Variants in CRMP1 observed in about 807,000 individuals in gnomAD.
CRMP1 encodes the protein collapsin response mediator protein 1, also known as dihydropyrimidinase-related protein 1.
In CRMP1, 19 loss-of-function variants were observed where a neutral mutation model predicts 68.3. The observed-to-expected ratio is 0.28, with a 90% confidence interval of 0.19 to 0.41. CRMP1 has a LOEUF of 0.41. CRMP1 is among the 10% of genes least tolerant of loss of function. The pLI is 1.00. For synonymous variants in CRMP1, 439 were observed against 399.6 expected, an observed-to-expected ratio of 1.10 and a Z score of -1.18; for missense variants, 791 against 967.4, an observed-to-expected ratio of 0.82 and a Z score of 2.42.
Position 5,858,127 on chromosome 4 carries a change from C to T in CRMP1, c.656-1820G>A, listed in dbSNP as rs1713268740. Among the ~76,000 whole-genome samples the T allele has an allele frequency of 6.6e-6, 1 of 152,148 alleles. No homozygotes were observed. Among genetic ancestry groups the T allele is most frequent in the Non-Finnish European group, 1.5e-5 (1 of 68,020 alleles). The stretch of plus-strand genomic sequence containing the variant: ...GAGAGTCCCTCCCTCCTTCCTTAAA[C>T]TCGCTTCTCTCCAGCTTCCATGGCA... On this transcript the variant is annotated intron_variant, in intron 3 of 13. Coordinates refer to ENST00000324989, the MANE Select transcript of CRMP1 (RefSeq NM_001014809.3). The surrounding 1 kb of genome is among the most constrained non-coding windows in gnomAD (Gnocchi z 5.5).
At chr4:5,878,866 A>C (rs1328428979) in intron 1 of CRMP1, among the ~76,000 whole-genome samples, 2 of 151,870 alleles carry the variant, frequency 1.3e-5, no homozygotes, top group Non-Finnish European at 2.9e-5. Context: ...TTCCATTTTC[A>C]GCTTATCTCT....
chr4:5,839,210 A>T (rs1210963263), intron 9 of CRMP1, among the ~76,000 whole-genome samples: 2 of 152,234 alleles, frequency 1.3e-5, no homozygotes, highest in Admixed American at 6.5e-5. Context: ...GGGGTGACAC[A>T]GCCTTGTCTC....
chr4:5,846,239 T>C (rs551137366), intron 6 of CRMP1, among the ~76,000 whole-genome samples: 1 of 152,118 alleles, frequency 6.6e-6, no homozygotes, highest in Non-Finnish European at 1.5e-5. Context: ...GGGGCTGCAA[T>C]GAGCCAAGAT....
At chr4:5,851,867 GGAGGAAGAGGAA>G (rs763157288) in intron 4 of CRMP1, among the ~76,000 whole-genome samples, 1 of 144,704 alleles carries the variant, frequency 6.9e-6, no homozygotes, top group Non-Finnish European at 1.5e-5. Context: ...AGGAGCAGGA[GGAGGAAGAGGAA>G]GAGGAAGAGG....
intron 2 of CRMP1, among the ~76,000 whole-genome samples, chr4:5,864,573 CG>C (rs1289352964): frequency 6.6e-6 from 1 of 151,962 alleles, no homozygotes; most frequent in Non-Finnish European, 1.5e-5. Context: ...GGCCCCAGGG[CG>C]GGGGGCCACG....
At position 5,836,576 on chromosome 4, in the gene CRMP1, C is replaced by A. The variant is rs1034412105; in HGVS notation, c.1452+189G>T. Among the ~76,000 whole-genome samples, 3 of 152,234 alleles carry A rather than the reference C, an allele frequency of 2.0e-5. No individual in the cohort carries two copies. In the South Asian group the frequency reaches 6.2e-4, roughly 31 times the overall value. ...AGGACAAGGGTGACATCCACAAATGCAGAGGCCTCTCCCGGACTTGAGCTA... is the reference window on the plus strand; with the variant it reads ...AGGACAAGGGTGACATCCACAAATGAAGAGGCCTCTCCCGGACTTGAGCTA... On this transcript the variant is annotated intron_variant, in intron 10 of 13. Coordinates refer to ENST00000324989, the MANE Select transcript of CRMP1 (RefSeq NM_001014809.3).
rs73079548 is a variant in CRMP1, at chr4:5,832,383, T to C, written c.1623+3532A>G. On this transcript the variant is annotated intron_variant, in intron 11 of 13. Coordinates refer to ENST00000324989, the MANE Select transcript of CRMP1 (RefSeq NM_001014809.3). ...TCTATGATATACAAACATGTATGCA[T>C]ACCCATGATGTGGCACTTTGATGTG... Among the ~76,000 whole-genome samples the C allele has an allele frequency of 6.8e-3, 1,037 of 152,368 alleles. 9 individuals carry two copies. Among genetic ancestry groups the C allele is most frequent in the African/African-American group, 0.022 (925 of 41,588 alleles).
rs1215652229 is a variant in CRMP1, at chr4:5,836,527, A to G, written c.1452+238T>C. Reference sequence around the variant, plus strand: ...AGACGTGGTTGAGAAACAAAACAAAACATTTTTCAATCTTAAGATGTAAAG... The same window carrying G: ...AGACGTGGTTGAGAAACAAAACAAAGCATTTTTCAATCTTAAGATGTAAAG... On this transcript the variant is annotated intron_variant, in intron 10 of 13. Coordinates refer to ENST00000324989, the MANE Select transcript of CRMP1 (RefSeq NM_001014809.3). Among the ~76,000 whole-genome samples the G allele has an allele frequency of 3.3e-5, 5 of 152,276 alleles. No individual in the cohort carries two copies. In the East Asian group the frequency reaches 9.7e-4, roughly 29 times the overall value.
intron 1 of CRMP1, among the ~76,000 whole-genome samples, chr4:5,873,131 G>T (rs1167632342): frequency 1.3e-5 from 2 of 152,170 alleles, no homozygotes; most frequent in Non-Finnish European, 2.9e-5. Context: ...TGCCCTCAAG[G>T]GGTGCTCAGG....
chr4:5,845,428 C>G (rs992530125), intron 6 of CRMP1, among the ~76,000 whole-genome samples: 1 of 152,218 alleles, frequency 6.6e-6, no homozygotes, highest in African/African-American at 2.4e-5. Context: ...GGCCTCTGGC[C>G]AGCAGCCAGC....
chr4:5,853,755 AAAG>A lies in CRMP1; in HGVS notation c.821-2289_821-2287del, dbSNP rs1414764537. On this transcript the variant is annotated intron_variant, in intron 4 of 13. Transcript: ENST00000324989. This position sits in a 1 kb window ranked among gnomAD's most constrained non-coding sequence, Gnocchi z 4.7. ...AAACATACACAATGGATGCCTTAGT[AAAG>A]AAGGACATCGTGTCATTTGCAGCAA... Among the ~76,000 whole-genome samples the A allele has an allele frequency of 2.0e-5, 3 of 152,266 alleles. No individual in the cohort carries two copies. The highest frequency in any genetic ancestry group is 4.8e-5 in the African/African-American group (2 of 41,472).
Position 5,851,309 on chromosome 4 carries a change from G to A in CRMP1, c.882+99C>T, listed in dbSNP as rs41264683. On this transcript the variant is annotated intron_variant, in intron 5 of 13. Coordinates refer to ENST00000324989, the MANE Select transcript of CRMP1 (RefSeq NM_001014809.3). The stretch of plus-strand genomic sequence containing the variant: ...GCCAGAACCAGGACTCGAATCCCAC[G>A]GCTTCTCACAATCTCCCTTGCCCTG... 7,664 of 1,066,184 alleles carry A rather than the reference G, an allele frequency of 7.2e-3. 100 individuals are homozygous for A. The highest frequency in any genetic ancestry group is 0.036 in the South Asian group (2,870 of 79,066). 66.0% of individuals were successfully genotyped at this position (1,066,184 alleles called of 1,614,324 possible).
chr4:5,824,425 G>A, intron 13 of CRMP1: 1 of 985,336 alleles, frequency 1.0e-6, no homozygotes, highest in Non-Finnish European at 1.2e-6. Flanking sequence ...CACTGAATCA[G>A]ACACTTCCTG....
rs537767936 is a variant in CRMP1 at position 5,892,514 on chromosome 4, C to T, written c.381+75G>A. On this transcript the variant is annotated intron_variant, in intron 1 of 13. Coordinates refer to ENST00000324989, the MANE Select transcript of CRMP1 (RefSeq NM_001014809.3). This position sits in a 1 kb window ranked among gnomAD's most constrained non-coding sequence, Gnocchi z 8.6. Reference sequence around the variant, plus strand: ...CCCCAACACCGGGGCCCGGGCATGGCCCTCGGGCGCCCCATGCCCTGGGTC... The same window carrying T: ...CCCCAACACCGGGGCCCGGGCATGGTCCTCGGGCGCCCCATGCCCTGGGTC... 4.4e-6 allele frequency: 5 copies of T among 1,144,668 alleles called. No homozygotes were observed. The Admixed American group carries it at 1.4e-4, about 33-fold the overall frequency. 70.9% of individuals were successfully genotyped at this position (1,144,668 alleles called of 1,614,324 possible).
In CRMP1 at chr4:5,879,932, G is replaced by C. The variant is rs1372580909; in HGVS notation, c.381+12657C>G. On this transcript the variant is annotated intron_variant, in intron 1 of 13. Transcript: ENST00000324989. The surrounding 1 kb of genome is among the most constrained non-coding windows in gnomAD (Gnocchi z 4.2). ...ACCTAACACCGTATGCGGAAATCAT[G>C]ATAGAGGAGGAATAAAGAATTGGAG... Among the ~76,000 whole-genome samples the C allele has an allele frequency of 6.6e-6, 1 of 152,206 alleles. No individual in the cohort carries two copies. The highest frequency in any genetic ancestry group is 2.4e-5 in the African/African-American group (1 of 41,446).
rs113231255 is a variant in CRMP1, at chr4:5,879,855, CA to C, written c.381+12733del. Among the ~76,000 whole-genome samples, 3,107 of 135,992 alleles carry C rather than the reference CA, an allele frequency of 0.023. 53 individuals are homozygous for C. The highest frequency in any genetic ancestry group is 0.05 in the African/African-American group (1,902 of 37,932). The allele number at this position is 135,992 out of a possible 152,430, so 89.2% of individuals were successfully genotyped here. A position where few individuals can be genotyped will look rare whatever the true frequency, so the allele number is the denominator to read the frequency against. Reference sequence around the variant, plus strand: ...CTGCATGTTCAGAAATAAAATATAGCAAAAAAAAAAATGAGACGAAAGGAAA... The same window carrying C: ...CTGCATGTTCAGAAATAAAATATAGCAAAAAAAAAATGAGACGAAAGGAAA... On this transcript the variant is annotated intron_variant, in intron 1 of 13. Coordinates refer to ENST00000324989, the MANE Select transcript of CRMP1 (RefSeq NM_001014809.3). This position sits in a 1 kb window ranked among gnomAD's most constrained non-coding sequence, Gnocchi z 4.2.
intron 13 of CRMP1, among the ~76,000 whole-genome samples, chr4:5,822,173 G>A (rs1718716510): frequency 6.6e-6 from 1 of 152,240 alleles, no homozygotes; most frequent in Non-Finnish European, 1.5e-5. Flanking sequence ...CGCACATTTG[G>A]TGCTTTAACA....
At position 5,841,852 on chromosome 4, in the gene CRMP1, A is replaced by C. The variant is rs1326591679; in HGVS notation, c.1033-424T>G. On this transcript the variant is annotated intron_variant, in intron 7 of 13. Transcript: ENST00000324989. The surrounding 1 kb of genome is among the most constrained non-coding windows in gnomAD (Gnocchi z 6.9). Reference sequence around the variant, plus strand: ...ACCAGGCCCAGGGCATGGGCCCAGAAGACTCGGTAATGACCTGATGAGGAC... The same window carrying C: ...ACCAGGCCCAGGGCATGGGCCCAGACGACTCGGTAATGACCTGATGAGGAC... Among the ~76,000 whole-genome samples, 1 of 152,190 alleles carries C rather than the reference A, an allele frequency of 6.6e-6. No individual in the cohort carries two copies.
rs1338697490 is a variant in CRMP1 at position 5,851,442 on chromosome 4, G to A, written c.848C>T (p.Ala283Val). Reference sequence around the variant, plus strand: ...GGACATTTGGTAGACATCCTTATAGGCCATGTAGACTTGGAAGGAATTGAC... The same window carrying A: ...GGACATTTGGTAGACATCCTTATAGACCATGTAGACTTGGAAGGAATTGAC... ...KGVNSFQVYM[A>V]YKDVYQMSDS... is the part of the protein sequence containing the mutation. The change falls in exon 5 of 14, where the codon GCC becomes GTC. Residue 283 changes from alanine to valine, a missense_variant. Physicochemically the swap from Ala to Val is moderately conservative, Grantham distance 64. Transcript: ENST00000324989. The A allele has an allele frequency of 6.2e-7, 1 of 1,614,052 alleles. No homozygotes were observed. Among genetic ancestry groups the A allele is most frequent in the Non-Finnish European group, 8.5e-7 (1 of 1,180,014 alleles).
Sources: allele counts gnomAD v4.1 joint callset (sites outside exome capture counted in the v4.1 genomes callset), GRCh38; gene constraint gnomAD v4.1.1; non-coding constraint Gnocchi (gnomAD v3.1); transcripts MANE v1.5; gene names NCBI Gene and HGNC (gene_info 2026-07-23, HGNC 2026-07-21).